Variants in POU5F2 observed in about 807,000 individuals in gnomAD.
The protein encoded by POU5F2 is POU domain, class 5, transcription factor 2.
For missense variants in POU5F2, 401 were observed against 426.6 expected, an observed-to-expected ratio of 0.94 and a Z score of 0.53; for synonymous variants, 191 against 178.7, an observed-to-expected ratio of 1.07 and a Z score of -0.55.
In POU5F2 at chr5:93,741,594, A is replaced by C. The variant is rs559733064; in HGVS notation, c.-31T>G. The stretch of plus-strand genomic sequence containing the variant: ...GAATGGCACCCGCAGCGGCTCTGGT[A>C]GGAACTGATGGCCCTCGAGGCTTCA... On this transcript the variant is annotated 5_prime_UTR_variant, in exon 1 of 1. Coordinates refer to ENST00000606183, the MANE Select transcript of POU5F2 (RefSeq NM_153216.2). 1 of 1,480,750 alleles carries C rather than the reference A, an allele frequency of 6.8e-7. No homozygotes were observed. Among genetic ancestry groups the C allele is most frequent in the Admixed American group, 2.5e-5 (1 of 40,764 alleles). The allele number at this position is 1,480,750 out of a possible 1,614,324, so 91.7% of individuals were successfully genotyped here. A position where few individuals can be genotyped will look rare whatever the true frequency, so the allele number is the denominator to read the frequency against.
chr5:93,741,504 G>A lies in POU5F2; in HGVS notation c.60C>T (p.Gly20=), dbSNP rs369781509. The A allele has an allele frequency of 6.8e-6, 11 of 1,611,390 alleles. No homozygotes were observed. The highest frequency in any genetic ancestry group is 9.3e-6 in the Non-Finnish European group (11 of 1,178,884). ...FCPLPGSGGG[G]PRGPMPLRVD... ...CCCGCAGGGGCATCGGCCCTCTGGG[G>A]CCGCCCCCACCACTGCCTGGAAGGG... Residue 20 remains glycine (G), a synonymous_variant, in exon 1 of 1, where the codon GGC becomes GGT. Coordinates refer to ENST00000606183, the MANE Select transcript of POU5F2 (RefSeq NM_153216.2).
rs1435853487 is a variant in POU5F2, at chr5:93,737,377, C to A, written c.*3200G>T. 6.6e-6 allele frequency: 1 copy of A among 152,014 alleles called. No individual in the cohort carries two copies. Among genetic ancestry groups the A allele is most frequent in the Non-Finnish European group, 1.5e-5 (1 of 67,998 alleles). 9.4% of individuals were successfully genotyped at this position (152,014 alleles called of 1,614,324 possible). ...CACTCCCTAAAGCAATATGAGGGTT[C>A]AATGCACTCTGTAACAAAATCTCAA... On this transcript the variant is annotated 3_prime_UTR_variant, in exon 1 of 1. Coordinates refer to ENST00000606183, the MANE Select transcript of POU5F2 (RefSeq NM_153216.2).
rs1747271308 is a variant in POU5F2, at chr5:93,736,603, T to C, written c.*3974A>G. On this transcript the variant is annotated 3_prime_UTR_variant, in exon 1 of 1. Coordinates refer to ENST00000606183, the MANE Select transcript of POU5F2 (RefSeq NM_153216.2). Reference sequence around the variant, plus strand: ...CCTTAGAGTCGGAGGAAAAAAAAAGTTTAGGTCTCTTAGGTGTGGGTGCAA... The same window carrying C: ...CCTTAGAGTCGGAGGAAAAAAAAAGCTTAGGTCTCTTAGGTGTGGGTGCAA... 6.6e-6 allele frequency: 1 copy of C among 151,938 alleles called. No individual in the cohort carries two copies. Among genetic ancestry groups the C allele is most frequent in the African/African-American group, 2.4e-5 (1 of 41,348 alleles). 9.4% of individuals were successfully genotyped at this position (151,938 alleles called of 1,614,324 possible). A position where few individuals can be genotyped will look rare whatever the true frequency, so the allele number is the denominator to read the frequency against.
rs767660341 is a variant in POU5F2, at chr5:93,739,017, T to TA, written c.*1559dup. On this transcript the variant is annotated 3_prime_UTR_variant, in exon 1 of 1. Coordinates refer to ENST00000606183, the MANE Select transcript of POU5F2 (RefSeq NM_153216.2). ...TGAAGAAAAGATTAAATAAAAAGCTTAGTCACACCTGACTTGTGTGACAGT... is the reference window on the plus strand; with the variant it reads ...TGAAGAAAAGATTAAATAAAAAGCTTAAGTCACACCTGACTTGTGTGACAGT... 2.6e-5 allele frequency: 4 copies of TA among 152,228 alleles called. No individual in the cohort carries two copies. Among genetic ancestry groups the TA allele is most frequent in the Non-Finnish European group, 5.9e-5 (4 of 68,028 alleles). The allele number at this position is 152,228 out of a possible 1,614,324, so 9.4% of individuals were successfully genotyped here. A position where few individuals can be genotyped will look rare whatever the true frequency, so the allele number is the denominator to read the frequency against.
rs1447139391 is a variant in POU5F2, at chr5:93,737,686, C to T, written c.*2891G>A. 2 of 238,230 alleles carry T rather than the reference C, an allele frequency of 8.4e-6. No individual in the cohort carries two copies. Among genetic ancestry groups the T allele is most frequent in the Non-Finnish European group, 1.7e-5 (2 of 119,260 alleles). The allele number at this position is 238,230 out of a possible 1,614,324, so 14.8% of individuals were successfully genotyped here. A position where few individuals can be genotyped will look rare whatever the true frequency, so the allele number is the denominator to read the frequency against. On this transcript the variant is annotated 3_prime_UTR_variant, in exon 1 of 1. Coordinates refer to ENST00000606183, the MANE Select transcript of POU5F2 (RefSeq NM_153216.2). Reference sequence around the variant, plus strand: ...TTGAGAGCCCAGAAATAATCCCTCACATGTGTGGTCAACTGATTTTTGACA... The same window carrying T: ...TTGAGAGCCCAGAAATAATCCCTCATATGTGTGGTCAACTGATTTTTGACA...
chr5:93,740,509 G>A lies in POU5F2; in HGVS notation c.*68C>T. On this transcript the variant is annotated 3_prime_UTR_variant, in exon 1 of 1. Coordinates refer to ENST00000606183, the MANE Select transcript of POU5F2 (RefSeq NM_153216.2). The stretch of plus-strand genomic sequence containing the variant: ...CTAAAAGCCCTCAAATGAACCCTAG[G>A]GACATTTCCTGGGTTTTCCCTTCTT... The A allele has an allele frequency of 6.8e-7, 1 of 1,476,302 alleles. No individual in the cohort carries two copies. Among genetic ancestry groups the A allele is most frequent in the Non-Finnish European group, 9.1e-7 (1 of 1,094,812 alleles). 91.5% of individuals were successfully genotyped at this position (1,476,302 alleles called of 1,614,324 possible). A position where few individuals can be genotyped will look rare whatever the true frequency, so the allele number is the denominator to read the frequency against.
chr5:93,737,831 T>A lies in POU5F2; in HGVS notation c.*2746A>T, dbSNP rs2149591646. The A allele has an allele frequency of 2.2e-5, 9 of 410,528 alleles. No individual in the cohort carries two copies. The highest frequency in any genetic ancestry group is 1.6e-4 in the South Asian group (9 of 55,496). The allele number at this position is 410,528 out of a possible 1,614,324, so 25.4% of individuals were successfully genotyped here. A position where few individuals can be genotyped will look rare whatever the true frequency, so the allele number is the denominator to read the frequency against. ...ACTTACCTCATACCGTATACAAAAA[T>A]TAACTTGAAATGGATCAAAGTCCTA... On this transcript the variant is annotated 3_prime_UTR_variant, in exon 1 of 1. Coordinates refer to ENST00000606183, the MANE Select transcript of POU5F2 (RefSeq NM_153216.2).
rs1389232778 is a variant in POU5F2 at position 93,741,334 on chromosome 5, G to C, written c.230C>G (p.Ala77Gly). Residue 77 changes from alanine to glycine, a missense_variant, in exon 1 of 1, where the codon GCA becomes GGA. Ala to Gly is a moderately conservative substitution (Grantham distance 60). Transcript: ENST00000606183. ...PLPHEFRGWI[A>G]PCRPRLGASE... The stretch of plus-strand genomic sequence containing the variant: ...AGCTCCAAGACGGGGCCTGCAGGGT[G>C]CTATCCAGCCCCGGAATTCGTGTGG... 15 of 1,612,484 alleles carry C rather than the reference G, an allele frequency of 9.3e-6. No homozygotes were observed. The South Asian group carries it at 1.7e-4, about 18-fold the overall frequency.
rs1747107016 is a variant in POU5F2 at position 93,735,842 on chromosome 5, C to T, written c.*4735G>A. 6.6e-6 allele frequency: 1 copy of T among 152,034 alleles called. No homozygotes were observed. The highest frequency in any genetic ancestry group is 1.5e-5 in the Non-Finnish European group (1 of 68,034). The allele number at this position is 152,034 out of a possible 1,614,324, so 9.4% of individuals were successfully genotyped here. A position where few individuals can be genotyped will look rare whatever the true frequency, so the allele number is the denominator to read the frequency against. On this transcript the variant is annotated 3_prime_UTR_variant, in exon 1 of 1. Transcript: ENST00000606183. ...GTAGCTTGTGTGGAGGAAATGGTCT[C>T]ACTGTGATGTTGTAAGCTGGGATCA...
At position 93,736,510 on chromosome 5, in the gene POU5F2, G is replaced by C. The variant is rs990283511; in HGVS notation, c.*4067C>G. Reference sequence around the variant, plus strand: ...TTTAAAACTTATTTTCATCACCCCGGGTGAGTCATTTACTCTTACACAAAG... The same window carrying C: ...TTTAAAACTTATTTTCATCACCCCGCGTGAGTCATTTACTCTTACACAAAG... On this transcript the variant is annotated 3_prime_UTR_variant, in exon 1 of 1. Coordinates refer to ENST00000606183, the MANE Select transcript of POU5F2 (RefSeq NM_153216.2). 2.0e-4 allele frequency: 30 copies of C among 151,994 alleles called. No homozygotes were observed. The highest frequency in any genetic ancestry group is 3.8e-4 in the Non-Finnish European group (26 of 68,002). The allele number at this position is 151,994 out of a possible 1,614,324, so 9.4% of individuals were successfully genotyped here.
rs148909412 is a variant in POU5F2 at position 93,737,431 on chromosome 5, G to A, written c.*3146C>T. The A allele has an allele frequency of 6.6e-6, 1 of 152,070 alleles. No homozygotes were observed. The highest frequency in any genetic ancestry group is 6.5e-5 in the Admixed American group (1 of 15,284). The allele number at this position is 152,070 out of a possible 1,614,324, so 9.4% of individuals were successfully genotyped here. ...TGTTTTGGGCAGAAATGGAAAAACTGATCCTAAAATTCCTATGAAATTTCA... is the reference window on the plus strand; with the variant it reads ...TGTTTTGGGCAGAAATGGAAAAACTAATCCTAAAATTCCTATGAAATTTCA... On this transcript the variant is annotated 3_prime_UTR_variant, in exon 1 of 1. Coordinates refer to ENST00000606183, the MANE Select transcript of POU5F2 (RefSeq NM_153216.2).
chr5:93,740,889 C>T lies in POU5F2; in HGVS notation c.675G>A (p.Leu225=). 6.2e-7 allele frequency: 1 copy of T among 1,614,016 alleles called. No homozygotes were observed. The highest frequency in any genetic ancestry group is 1.1e-5 in the South Asian group (1 of 91,084). The change falls in exon 1 of 1, where the codon CTG becomes CTA. Residue 225 remains leucine, a synonymous_variant. Coordinates refer to ENST00000606183, the MANE Select transcript of POU5F2 (RefSeq NM_153216.2). ...ASRERRIGNS[L]EKFFQRCPKP... ...TAGGGCACCGCTGGAAGAATTTCTCCAGGCTGTTTCCGATTCGTCGCTCTC... is the reference window on the plus strand; with the variant it reads ...TAGGGCACCGCTGGAAGAATTTCTCTAGGCTGTTTCCGATTCGTCGCTCTC...
chr5:93,740,866 G>A lies in POU5F2; in HGVS notation c.698C>T (p.Pro233Leu). Reference sequence around the variant, plus strand: ...GCTGATTTGCTGGGGTGTGGGCTTAGGGCACCGCTGGAAGAATTTCTCCAG... The same window carrying A: ...GCTGATTTGCTGGGGTGTGGGCTTAAGGCACCGCTGGAAGAATTTCTCCAG... ...NSLEKFFQRC[P>L]KPTPQQISHI... is the part of the protein sequence containing the mutation. The change falls in exon 1 of 1, where the codon CCT becomes CTT. Residue 233 changes from proline (P) to leucine (L), a missense_variant. By Grantham distance (98) the Pro-to-Leu change is moderately conservative (BLOSUM62 -3). Coordinates refer to ENST00000606183, the MANE Select transcript of POU5F2 (RefSeq NM_153216.2). 1 of 1,613,956 alleles carries A rather than the reference G, an allele frequency of 6.2e-7. No individual in the cohort carries two copies. The highest frequency in any genetic ancestry group is 8.5e-7 in the Non-Finnish European group (1 of 1,179,884).
In POU5F2 at chr5:93,740,685, G is replaced by A. The variant is rs1446100270; in HGVS notation, c.879C>T (p.His293=). 5 of 1,613,906 alleles carry A rather than the reference G, an allele frequency of 3.1e-6. No homozygotes were observed. The highest frequency in any genetic ancestry group is 3.4e-6 in the Non-Finnish European group (4 of 1,179,854). The change falls in exon 1 of 1, where the codon CAC becomes CAT. Residue 293 remains histidine, a synonymous_variant. Coordinates refer to ENST00000606183, the MANE Select transcript of POU5F2 (RefSeq NM_153216.2). ...PPCPGAPVCF[H]LGLGLPVDIP... ...TATCCACTGGGAGCCCCAGTCCCAG[G>A]TGAAAGCACACTGGTGCTCCTGGGC...
At position 93,737,525 on chromosome 5, in the gene POU5F2, G is replaced by T. The variant is rs900152292; in HGVS notation, c.*3052C>A. 6.5e-6 allele frequency: 1 copy of T among 153,180 alleles called. No individual in the cohort carries two copies. Among genetic ancestry groups the T allele is most frequent in the Non-Finnish European group, 1.4e-5 (1 of 69,012 alleles). The allele number at this position is 153,180 out of a possible 1,614,324, so 9.5% of individuals were successfully genotyped here. On this transcript the variant is annotated 3_prime_UTR_variant, in exon 1 of 1. Coordinates refer to ENST00000606183, the MANE Select transcript of POU5F2 (RefSeq NM_153216.2). ...GTATATATATGCCATATATATATAC[G>T]TGCCATATATATATATATGGAAGAA...
In POU5F2 at chr5:93,737,651, C is replaced by G. The variant is rs540990376; in HGVS notation, c.*2926G>C. The G allele has an allele frequency of 2.8e-5, 6 of 212,314 alleles. No individual in the cohort carries two copies. The South Asian group carries it at 3.6e-4, about 13-fold the overall frequency. The allele number at this position is 212,314 out of a possible 1,614,324, so 13.2% of individuals were successfully genotyped here. On this transcript the variant is annotated 3_prime_UTR_variant, in exon 1 of 1. Transcript: ENST00000606183. The stretch of plus-strand genomic sequence containing the variant: ...GCATAAAGACAGACATATAGACCAA[C>G]AGAAGAGAGTTGAGAGCCCAGAAAT...
In POU5F2 at chr5:93,739,076, G is replaced by A. The variant is rs1179235405; in HGVS notation, c.*1501C>T. The A allele has an allele frequency of 1.3e-5, 2 of 152,180 alleles. No homozygotes were observed. Among genetic ancestry groups the A allele is most frequent in the Non-Finnish European group, 2.9e-5 (2 of 68,030 alleles). 9.4% of individuals were successfully genotyped at this position (152,180 alleles called of 1,614,324 possible). A position where few individuals can be genotyped will look rare whatever the true frequency, so the allele number is the denominator to read the frequency against. On this transcript the variant is annotated 3_prime_UTR_variant, in exon 1 of 1. Coordinates refer to ENST00000606183, the MANE Select transcript of POU5F2 (RefSeq NM_153216.2). ...CCCTGGACTTGAGGTCAGAAGATCA[G>A]AGTTAACTCTCGATCTCTTGACCTT... is the stretch of plus-strand genomic sequence containing the variant.
rs1281513713 is a variant in POU5F2 at position 93,737,965 on chromosome 5, T to C, written c.*2612A>G. 1 of 434,738 alleles carries C rather than the reference T, an allele frequency of 2.3e-6. No individual in the cohort carries two copies. The highest frequency in any genetic ancestry group is 4.5e-6 in the Non-Finnish European group (1 of 221,030). 26.9% of individuals were successfully genotyped at this position (434,738 alleles called of 1,614,324 possible). A position where few individuals can be genotyped will look rare whatever the true frequency, so the allele number is the denominator to read the frequency against. On this transcript the variant is annotated 3_prime_UTR_variant, in exon 1 of 1. Transcript: ENST00000606183. ...CCTAAGCAACAAAAGAAAAAATGGA[T>C]AAGCTGGACTTAATAAAAATTAAAG...
At position 93,741,111 on chromosome 5, in the gene POU5F2, C is replaced by T. The variant is rs758502965; in HGVS notation, c.453G>A (p.Val151=). 1 of 1,613,926 alleles carries T rather than the reference C, an allele frequency of 6.2e-7. No homozygotes were observed. Among genetic ancestry groups the T allele is most frequent in the South Asian group, 1.1e-5 (1 of 91,082 alleles). Residue 151 remains valine, a synonymous_variant, in exon 1 of 1, where the codon GTG becomes GTA. Coordinates refer to ENST00000606183, the MANE Select transcript of POU5F2 (RefSeq NM_153216.2). ...TAAGCACCTTCCCAAACAGAGCTCCCACAGCGATCCCCACATCGGCCTGCG... is the reference window on the plus strand; with the variant it reads ...TAAGCACCTTCCCAAACAGAGCTCCTACAGCGATCCCCACATCGGCCTGCG... ...GYSQADVGIA[V]GALFGKVLSQ...
Sources: gnomAD v4.1 joint callset for allele counts on GRCh38, gnomAD v4.1.1 for gene constraint, MANE v1.5 for transcripts, NCBI Gene and HGNC (gene_info 2026-07-23, HGNC 2026-07-21) for gene names.